ZXDC: variants seen among roughly 807,000 people sequenced by gnomAD.
ZXDC encodes the protein ZXD family zinc finger C, also known as zinc finger protein ZXDC.
Under a neutral mutation model 63.6 loss-of-function variants are expected in ZXDC, and 58 were observed. The observed-to-expected ratio is 0.91, with a 90% CI of 0.74 to 1.13. The LOEUF is 1.13. ZXDC is among the 50% of genes most tolerant of loss of function. The probability of loss-of-function intolerance (pLI) is 0.00; values close to 1 mark genes in which losing one functional copy is unlikely to be tolerated. For missense variants in ZXDC, 1,133 were observed against 1,148.9 expected (o/e 0.99, Z 0.20); for synonymous variants, 561 against 496.1 (o/e 1.13, Z -1.74).
intron 8 of ZXDC, chr3:126,440,121 G>C: frequency 3.9e-6 from 4 of 1,024,840 alleles, no homozygotes; most frequent in Non-Finnish European, 4.7e-6. Context: ...CCCCACAGAG[G>C]GCCTTCCCTG....
intron 3 of ZXDC, among the ~76,000 whole-genome samples, chr3:126,471,380 G>A (rs561873701): frequency 1.3e-3 from 199 of 152,318 alleles, no homozygotes; most frequent in African/African-American, 4.1e-3. Flanking sequence ...ACAGACGGTC[G>A]TGAGAAATGT....
chr3:126,444,294 A>G (rs1479725642), intron 7 of ZXDC, among the ~76,000 whole-genome samples: 2 of 152,202 alleles, frequency 1.3e-5, no homozygotes, highest in African/African-American at 2.4e-5. Flanking sequence ...GCGCTTTGGG[A>G]GGCCAAGGCG....
chr3:126,451,176 A>C, intron 7 of ZXDC: 1 of 985,444 alleles, frequency 1.0e-6, no homozygotes. Context: ...TTCCAATAGA[A>C]AAAGTAGAAA....
At chr3:126,465,421 C>T (rs747310485) in intron 5 of ZXDC, among the ~76,000 whole-genome samples, 2 of 152,260 alleles carry the variant, frequency 1.3e-5, no homozygotes, top group Non-Finnish European at 2.9e-5. Context: ...ACCAGGCCAC[C>T]GTCACTTTCC....
At chr3:126,453,535 GACCCTCACATGTAATCC>G (rs963553818) in intron 7 of ZXDC, 1 of 985,248 alleles carries the variant, frequency 1.0e-6, no homozygotes, top group African/African-American at 1.7e-5. Flanking sequence ...GTGTTTCTAA[GACCCTCACATGTAATCC>G]ACAAGAATCC....
At chr3:126,455,175 G>T in intron 7 of ZXDC, 1 of 749,168 alleles carries the variant, frequency 1.3e-6, no homozygotes, top group Non-Finnish European at 1.6e-6. Flanking sequence ...TAAACTTAAT[G>T]CCAAAAGTAA....
At chr3:126,473,839 C>G (rs983505053) in intron 1 of ZXDC, among the ~76,000 whole-genome samples, 1 of 152,196 alleles carries the variant, frequency 6.6e-6, no homozygotes, top group South Asian at 2.1e-4. Context: ...GGTCCTTCCT[C>G]CTGGGCCCTC....
In ZXDC at chr3:126,437,615, A is replaced by G. The variant is rs1169472564; in HGVS notation, c.*760T>C. The G allele has an allele frequency of 6.6e-6, 1 of 152,244 alleles. No individual in the cohort carries two copies. Among genetic ancestry groups the G allele is most frequent in the Non-Finnish European group, 1.5e-5 (1 of 68,082 alleles). The allele number at this position is 152,244 out of a possible 1,614,324, so 9.4% of individuals were successfully genotyped here. A position where few individuals can be genotyped will look rare whatever the true frequency, so the allele number is the denominator to read the frequency against. On this transcript the variant is annotated 3_prime_UTR_variant, in exon 10 of 10. Coordinates refer to ENST00000389709, the MANE Select transcript of ZXDC (RefSeq NM_025112.5). ...TACACGCGCCATCACAGTCCTACACATAATTTATGGTATTCAGAACATCAC... is the reference window on the plus strand; with the variant it reads ...TACACGCGCCATCACAGTCCTACACGTAATTTATGGTATTCAGAACATCAC...
chr3:126,451,282 C>CA, intron 7 of ZXDC: 1 of 985,362 alleles, frequency 1.0e-6, no homozygotes, highest in Non-Finnish European at 1.2e-6. Context: ...TAAATGTACA[C>CA]AAAAATTTGT....
intron 7 of ZXDC, chr3:126,453,587 A>G: frequency 1.0e-6 from 1 of 985,460 alleles, no homozygotes; most frequent in Non-Finnish European, 1.2e-6. Context: ...TTCTATTACC[A>G]TTTCACAAAG....
chr3:126,454,568 G>A, intron 7 of ZXDC: 1 of 985,392 alleles, frequency 1.0e-6, no homozygotes, highest in Non-Finnish European at 1.2e-6. Context: ...ACACAGCGGA[G>A]AGTGTGCTTC....
intron 7 of ZXDC, 123 bp downstream of exon 7, chr3:126,459,530 G>A: frequency 7.2e-6 from 11 of 1,521,652 alleles, no homozygotes; most frequent in South Asian, 1.3e-5. Context: ...TTGATAAAAG[G>A]GTATTCTGAA....
At chr3:126,438,486 AGAGG>A in intron 9 of ZXDC, 25 bp from the exon 10 acceptor site, 1 of 1,607,018 alleles carries the variant, frequency 6.2e-7, no homozygotes, top group Non-Finnish European at 8.5e-7. Context: ...ATTGTCATGA[AGAGG>A]GAGGAGGGAG....
rs540369236 is a variant in ZXDC at position 126,441,833 on chromosome 3, G to A, written c.2326C>T (p.Arg776Trp). ...CCAGCTGCTGGAGCTGGTCCTGGCCGTCCTCCGCTGGGCACCACGAGGCTC... is the reference window on the plus strand; with the variant it reads ...CCAGCTGCTGGAGCTGGTCCTGGCCATCCTCCGCTGGGCACCACGAGGCTC... The part of the protein sequence containing the change: ...CGSLVVPSGG[R>W]PGPAPAAGVQ... Residue 776 changes from arginine to tryptophan, a missense_variant, in exon 8 of 10, where the codon CGG becomes TGG. Coordinates refer to ENST00000389709, the MANE Select transcript of ZXDC (RefSeq NM_025112.5). 30 of 1,613,568 alleles carry A rather than the reference G, an allele frequency of 1.9e-5. No homozygotes were observed. The highest frequency in any genetic ancestry group is 2.4e-5 in the Non-Finnish European group (28 of 1,179,872).
chr3:126,453,119 A>C, intron 7 of ZXDC: 5 of 985,418 alleles, frequency 5.1e-6, no homozygotes, highest in Non-Finnish European at 6.0e-6. Context: ...AAAGGGGGAG[A>C]ACTGAGGAAC....
chr3:126,469,158 G>A (rs957002887), intron 4 of ZXDC, among the ~76,000 whole-genome samples: 12 of 152,122 alleles, frequency 7.9e-5, no homozygotes, highest in Admixed American at 4.6e-4. Context: ...CTTAGGACTC[G>A]AATCCAGGCA....
At chr3:126,467,580 C>T (rs1934823230) in intron 4 of ZXDC, among the ~76,000 whole-genome samples, 1 of 152,156 alleles carries the variant, frequency 6.6e-6, no homozygotes, top group Non-Finnish European at 1.5e-5. Flanking sequence ...TGAGTAAGGG[C>T]CTTGGATGCC....
chr3:126,469,564 G>T (rs1934899459), intron 4 of ZXDC, among the ~76,000 whole-genome samples: 1 of 152,114 alleles, frequency 6.6e-6, no homozygotes, highest in Non-Finnish European at 1.5e-5. Context: ...ACCCCTGGCT[G>T]CTTTCAATCC....
At position 126,464,595 on chromosome 3, in the gene ZXDC, T is replaced by C. The variant is rs145921354; in HGVS notation, c.1441+1560A>G. ...ACATAGGTTGCTACAGAAGAGGGTC[T>C]CACATCCCACTAGAGTTTAAGGAAA... On this transcript the variant is annotated intron_variant, in intron 5 of 9. Coordinates refer to ENST00000389709, the MANE Select transcript of ZXDC (RefSeq NM_025112.5). 3.9e-5 allele frequency among the ~76,000 whole-genome samples: 6 copies of C among 152,052 alleles called. No individual in the cohort carries two copies. In the East Asian group the frequency reaches 1.2e-3, roughly 29 times the overall value.
Sources: allele counts gnomAD v4.1 joint callset (sites outside exome capture counted in the v4.1 genomes callset), GRCh38; gene constraint gnomAD v4.1.1; transcripts MANE v1.5; gene names NCBI Gene and HGNC (gene_info 2026-07-23, HGNC 2026-07-21).